The following ATXN7 variants were observed in gnomAD, a reference collection of about 807,000 sequenced individuals.
ATXN7 encodes ataxin-7.
ATXN7 carries 12 observed loss-of-function variants against 70.5 expected under a neutral mutation model. The observed-to-expected ratio is 0.17, with a 90% CI of 0.11 to 0.28. ATXN7 has a LOEUF of 0.28. Among genes scored for constraint, ATXN7 ranks in the 10% least tolerant of loss-of-function variants. The pLI, the probability that ATXN7 is intolerant of heterozygous loss-of-function variation, is 1.00. For synonymous variants in ATXN7, 498 were observed against 448.7 expected (o/e 1.11, Z -1.39); for missense variants, 1,256 against 1,131.7 (o/e 1.11, Z -1.58).
At chr3:63,968,078 A>C in intron 5 of ATXN7, 1 of 924,178 alleles carries the variant, frequency 1.1e-6, no homozygotes, top group Non-Finnish European at 1.6e-6. Flanking sequence ...CTTACATAGA[A>C]CCAAGCAGAT....
chr3:63,949,247 A>G (rs1029147559), intron 4 of ATXN7, among the ~76,000 whole-genome samples: 1 of 151,160 alleles, frequency 6.6e-6, no homozygotes, highest in East Asian at 1.9e-4. Context: ...GAAAAAGAAT[A>G]TAGAATTCCT....
At position 63,999,435 on chromosome 3, in the gene ATXN7, CCT is replaced by C. The variant is rs1160816820; in HGVS notation, c.2662-12_2662-11del. 5.6e-6 allele frequency: 9 copies of C among 1,605,086 alleles called. No homozygotes were observed. Among genetic ancestry groups the C allele is most frequent in the East Asian group, 2.2e-5 (1 of 44,842 alleles). On this transcript the variant is annotated splice_polypyrimidine_tract_variant and intron_variant, in intron 12 of 12. Transcript: ENST00000674280. ...TTACCATTTCATTATTTCCCCACCC[CCT>C]CTTTTTTGAAAGCCAAAGGCACGTC...
chr3:63,935,026 C>T (rs1559637965), intron 4 of ATXN7, among the ~76,000 whole-genome samples: 1 of 152,128 alleles, frequency 6.6e-6, no homozygotes, highest in African/African-American at 2.4e-5. Context: ...AAAACCACAA[C>T]TTTAATATAT....
intron 1 of ATXN7, among the ~76,000 whole-genome samples, chr3:63,894,041 G>C (rs1018098150): frequency 6.6e-6 from 1 of 152,176 alleles, no homozygotes; most frequent in South Asian, 2.1e-4. Flanking sequence ...TTTGGGTTTG[G>C]GTGGTCGATT....
At chr3:63,944,669 A>G (rs2074827841) in intron 4 of ATXN7, among the ~76,000 whole-genome samples, 1 of 152,242 alleles carries the variant, frequency 6.6e-6, no homozygotes, top group Non-Finnish European at 1.5e-5. Flanking sequence ...AGCGGGGATT[A>G]CTGTAGACCA....
At chr3:63,973,749 T>TTTG (rs1219674379) in intron 5 of ATXN7, among the ~76,000 whole-genome samples, 2 of 151,972 alleles carry the variant, frequency 1.3e-5, no homozygotes, top group African/African-American at 4.8e-5. Context: ...TGAAAACGGC[T>TTTG]TTCAAGCAGA....
intron 11 of ATXN7, among the ~76,000 whole-genome samples, chr3:63,992,566 A>G (rs945000893): frequency 2.0e-5 from 3 of 152,208 alleles, no homozygotes; most frequent in African/African-American, 7.2e-5. Flanking sequence ...TATGTGGCTC[A>G]TGACCAACAG....
intron 8 of ATXN7, 86 bp from the exon 9 acceptor site, chr3:63,987,969 CTTAT>C: frequency 2.0e-6 from 3 of 1,489,170 alleles, no homozygotes; most frequent in Non-Finnish European, 2.8e-6. Flanking sequence ...GTCTAGATTG[CTTAT>C]TTATTGGGAG....
In ATXN7 at chr3:63,982,503, G is replaced by C. The variant is rs1298576841; in HGVS notation, c.1012+58G>C. On this transcript the variant is annotated intron_variant, in intron 7 of 12. Transcript: ENST00000674280. ...CTCTATATATTAAATGGGCATTCGT[G>C]GGGAGCAAATCAACTGCAATCTAGA... is the stretch of plus-strand genomic sequence containing the variant. The C allele has an allele frequency of 4.2e-6, 6 of 1,415,402 alleles. No homozygotes were observed. The African/African-American group carries it at 5.8e-5, about 14-fold the overall frequency. The allele number at this position is 1,415,402 out of a possible 1,614,324, so 87.7% of individuals were successfully genotyped here. A position where few individuals can be genotyped will look rare whatever the true frequency, so the allele number is the denominator to read the frequency against.
At chr3:63,983,483 G>C (rs917235842) in intron 8 of ATXN7, among the ~76,000 whole-genome samples, 24 of 151,502 alleles carry the variant, frequency 1.6e-4, no homozygotes, top group African/African-American at 5.1e-4. Context: ...CTGTTTTCTA[G>C]TTTAAAAAAA....
chr3:63,974,810 GTT>G (rs1376433242), intron 5 of ATXN7, among the ~76,000 whole-genome samples: 6 of 152,168 alleles, frequency 3.9e-5, no homozygotes, highest in Non-Finnish European at 8.8e-5. Flanking sequence ...TGTTTAATAA[GTT>G]ATAAGAAAAG....
intron 4 of ATXN7, among the ~76,000 whole-genome samples, chr3:63,915,327 A>G (rs1268935594): frequency 6.6e-6 from 1 of 152,148 alleles, no homozygotes; most frequent in East Asian, 1.9e-4. Context: ...CTTGGAACGT[A>G]CACCTGTCTG....
At chr3:63,942,336 C>A (rs2074783058) in intron 4 of ATXN7, among the ~76,000 whole-genome samples, 1 of 152,212 alleles carries the variant, frequency 6.6e-6, no homozygotes, top group Admixed American at 6.5e-5. Context: ...TGCTGCCTCA[C>A]TTGCTTTCTA....
intron 5 of ATXN7, among the ~76,000 whole-genome samples, chr3:63,970,001 C>T (rs1310092133): frequency 6.6e-6 from 1 of 152,108 alleles, no homozygotes; most frequent in East Asian, 1.9e-4. Context: ...TCAAATAAAT[C>T]GGCCAGGGTG....
chr3:63,902,243 A>G (rs915552123), intron 2 of ATXN7: 56 of 152,106 alleles, frequency 3.7e-4, no homozygotes, highest in African/African-American at 1.0e-3. Flanking sequence ...CCCCGTCTCT[A>G]TAAAAAAAGT....
intron 5 of ATXN7, among the ~76,000 whole-genome samples, chr3:63,954,308 C>T (rs2075003054): frequency 6.6e-6 from 1 of 152,148 alleles, no homozygotes; most frequent in African/African-American, 2.4e-5. Context: ...ATTTGGTGGC[C>T]CCGGATTGGC....
intron 5 of ATXN7, among the ~76,000 whole-genome samples, chr3:63,960,490 A>G (rs1324833313): frequency 6.6e-6 from 1 of 152,194 alleles, no homozygotes; most frequent in Non-Finnish European, 1.5e-5. Context: ...GCTGTTTTAT[A>G]CTAGTTAAGG....
chr3:63,949,963 A>G (rs1371580383), intron 4 of ATXN7, among the ~76,000 whole-genome samples: 1 of 152,232 alleles, frequency 6.6e-6, no homozygotes, highest in African/African-American at 2.4e-5. Flanking sequence ...AAAACCATGT[A>G]AGAACTGCTT....
At chr3:63,927,630 T>C (rs1463513776) in intron 4 of ATXN7, among the ~76,000 whole-genome samples, 1 of 152,232 alleles carries the variant, frequency 6.6e-6, no homozygotes, top group Admixed American at 6.5e-5. Context: ...TACAAATAAA[T>C]GACGGTGTGC....
Sources: gnomAD v4.1 joint callset for allele counts (sites outside exome capture counted in the v4.1 genomes callset) on GRCh38, gnomAD v4.1.1 for gene constraint, MANE v1.5 for transcripts, NCBI Gene and HGNC (gene_info 2026-07-23, HGNC 2026-07-21) for gene names.